Variants in KCNMA1 observed in about 807,000 individuals in gnomAD.
The protein encoded by KCNMA1 is Calcium-activated potassium channel subunit alpha-1.
In KCNMA1, 29 loss-of-function variants were observed where a neutral mutation model predicts 140.0. The ratio of observed to expected loss-of-function variants is 0.21; its 90% CI spans 0.15 to 0.28. KCNMA1 has a LOEUF of 0.28. KCNMA1 is among the 10% of genes least tolerant of loss of function. The pLI is 1.00. For missense variants in KCNMA1, 880 were observed against 1,602.2 expected (o/e 0.55, Z 7.70); for synonymous variants, 612 against 611.9 (o/e 1.00, Z 0.00).
intron 17 of KCNMA1, among the ~76,000 whole-genome samples, chr10:77,018,439 A>G (rs2092441207): frequency 1.3e-5 from 2 of 152,196 alleles, no homozygotes; most frequent in Non-Finnish European, 2.9e-5. Flanking sequence ...AGGTTTAAGG[A>G]TACGAATAAA....
At chr10:77,001,195 G>C (rs572807094) in intron 19 of KCNMA1, among the ~76,000 whole-genome samples, 2 of 152,006 alleles carry the variant, frequency 1.3e-5, no homozygotes, top group South Asian at 4.1e-4. Context: ...ATGCTGTTAC[G>C]AGAAGCGTAA....
At chr10:76,950,958 C>T (rs754875080) in intron 21 of KCNMA1, among the ~76,000 whole-genome samples, 2 of 152,138 alleles carry the variant, frequency 1.3e-5, no homozygotes, top group Non-Finnish European at 2.9e-5. Flanking sequence ...TTATCTGGGC[C>T]GCACGGAAGT....
In KCNMA1 at chr10:77,623,935, T is replaced by C. The variant is rs1221657384; in HGVS notation, c.378+13330A>G. ...TTAATGCATGGCTCCGGTAGCATAA[T>C]CGAATCGATGTTATGTAACCTAAGA... On this transcript the variant is annotated intron_variant, in intron 1 of 27. Coordinates refer to ENST00000286628, the MANE Select transcript of KCNMA1 (RefSeq NM_001161352.2). Among the ~76,000 whole-genome samples the C allele has an allele frequency of 2.6e-5, 4 of 152,198 alleles. No homozygotes were observed. In the East Asian group the frequency reaches 7.7e-4, roughly 29 times the overall value.
intron 1 of KCNMA1, among the ~76,000 whole-genome samples, chr10:77,616,577 G>A (rs1476282440): frequency 1.3e-5 from 2 of 152,032 alleles, no homozygotes; most frequent in Non-Finnish European, 2.9e-5. Flanking sequence ...AGGCTGAGGC[G>A]GGTGGATCAC....
At chr10:77,086,632 A>C in intron 10 of KCNMA1, 39 bp from the exon 11 acceptor site, 1 of 1,467,108 alleles carries the variant, frequency 6.8e-7, no homozygotes, top group East Asian at 2.3e-5. Flanking sequence ...AATTTAATGG[A>C]CTCGGGGGTT....
intron 19 of KCNMA1, among the ~76,000 whole-genome samples, chr10:76,997,288 G>A (rs544040344): frequency 6.6e-6 from 1 of 152,268 alleles, no homozygotes; most frequent in South Asian, 2.1e-4. Context: ...TAAAAGTCAT[G>A]TGTAATTTAA....
chr10:76,918,184 T>G (rs1270033494), intron 23 of KCNMA1, among the ~76,000 whole-genome samples: 3 of 152,184 alleles, frequency 2.0e-5, no homozygotes, highest in Non-Finnish European at 4.4e-5. Context: ...ACTCCAGAGA[T>G]CTACAGCTAG....
chr10:77,151,143 CTTTCTTTCTTTCTTTTCT>C (rs1241160216), intron 5 of KCNMA1, among the ~76,000 whole-genome samples: 7 of 148,134 alleles, frequency 4.7e-5, no homozygotes, highest in East Asian at 2.0e-4. Flanking sequence ...TTTCTTTCTT[CTTTCTTTCTTTCTTTTCT>C]TTTCTTTCTT....
intron 9 of KCNMA1, among the ~76,000 whole-genome samples, chr10:77,095,934 G>A (rs1307352651): frequency 6.6e-6 from 1 of 152,134 alleles, no homozygotes; most frequent in Non-Finnish European, 1.5e-5. Flanking sequence ...TCTATGACAA[G>A]GAAAATCTAC....
chr10:77,481,226 A>G (rs2098390752), intron 1 of KCNMA1, among the ~76,000 whole-genome samples: 1 of 152,172 alleles, frequency 6.6e-6, no homozygotes, highest in Non-Finnish European at 1.5e-5. Flanking sequence ...ATTTCCCTTA[A>G]GGGATAGGAC....
At chr10:77,443,768 A>G (rs2097460895) in intron 1 of KCNMA1, among the ~76,000 whole-genome samples, 1 of 152,244 alleles carries the variant, frequency 6.6e-6, no homozygotes, top group African/African-American at 2.4e-5. Flanking sequence ...CAATCTTTGG[A>G]TAGATTTGTG....
chr10:76,920,564 T>G (rs964791710), intron 23 of KCNMA1, among the ~76,000 whole-genome samples: 1 of 152,212 alleles, frequency 6.6e-6, no homozygotes, highest in African/African-American at 2.4e-5. Flanking sequence ...GGTTTTTTCA[T>G]GGGCCACCTT....
At chr10:77,109,506 G>C (rs1445886321) in intron 8 of KCNMA1, among the ~76,000 whole-genome samples, 1 of 152,196 alleles carries the variant, frequency 6.6e-6, no homozygotes, top group African/African-American at 2.4e-5. Context: ...AGAAGGGGTG[G>C]TTTAGTGCAA....
intron 1 of KCNMA1, among the ~76,000 whole-genome samples, chr10:77,619,314 G>C (rs1302028800): frequency 1.1e-5 from 1 of 91,530 alleles, no homozygotes; most frequent in Non-Finnish European, 2.1e-5. Flanking sequence ...CTGTCTGTCT[G>C]TCTCTCTCTC....
intron 3 of KCNMA1, among the ~76,000 whole-genome samples, chr10:77,240,026 C>T (rs529045892): frequency 1.3e-5 from 2 of 152,278 alleles, no homozygotes; most frequent in African/African-American, 4.8e-5. Flanking sequence ...CACTTACACA[C>T]TTAGTATAAT....
intron 9 of KCNMA1, among the ~76,000 whole-genome samples, chr10:77,098,685 T>A (rs1477478234): frequency 1.3e-5 from 2 of 152,182 alleles, no homozygotes; most frequent in African/African-American, 4.8e-5. Context: ...TACTTTGGTT[T>A]CTCACCTAAT....
chr10:77,011,877 T>C (rs2090852747), intron 18 of KCNMA1, 90 bp downstream of exon 18: 1 of 1,105,904 alleles, frequency 9.0e-7, no homozygotes, highest in Non-Finnish European at 1.4e-6. Context: ...TCTCGATGTT[T>C]AGTGTTTCTC....
intron 1 of KCNMA1, among the ~76,000 whole-genome samples, chr10:77,614,726 C>T (rs1318010257): frequency 1.3e-5 from 2 of 152,120 alleles, no homozygotes; most frequent in African/African-American, 2.4e-5. Flanking sequence ...GGTCCTTGCA[C>T]CCCAACCCCA....
chr10:77,157,945 C>T (rs1052123517), intron 5 of KCNMA1, among the ~76,000 whole-genome samples: 10 of 152,164 alleles, frequency 6.6e-5, no homozygotes, highest in African/African-American at 2.4e-4. Context: ...CCCACAGCTT[C>T]TGGTGCCCCC....
Sources: allele counts gnomAD v4.1 joint callset (sites outside exome capture counted in the v4.1 genomes callset), GRCh38; gene constraint gnomAD v4.1.1; transcripts MANE v1.5; gene names NCBI Gene and HGNC (gene_info 2026-07-23, HGNC 2026-07-21).